The following CDH13 variants were observed in gnomAD, a reference collection of about 807,000 sequenced individuals.
CDH13 encodes cadherin 13.
Under a neutral mutation model 63.8 loss-of-function variants are expected in CDH13, and 24 were observed. The observed-to-expected ratio is 0.38, with a 90% confidence interval of 0.27 to 0.53. The LOEUF is 0.53. CDH13 is among the 20% of genes least tolerant of loss of function. CDH13 has a pLI of 0.85. For missense variants in CDH13, 1,049 were observed against 903.1 expected (o/e 1.16, Z -2.07); for synonymous variants, 503 against 355.3 (o/e 1.42, Z -4.67).
intron 7 of CDH13, among the ~76,000 whole-genome samples, chr16:83,579,326 T>C (rs1363277377): frequency 5.3e-5 from 8 of 152,316 alleles, no homozygotes; most frequent in African/African-American, 1.7e-4. Context: ...TACCTGAGAC[T>C]GGGCAATATA....
chr16:83,698,933 C>T (rs1905793092), intron 10 of CDH13, among the ~76,000 whole-genome samples: 2 of 152,246 alleles, frequency 1.3e-5, no homozygotes, highest in South Asian at 2.1e-4. Flanking sequence ...AGTCAGAGGG[C>T]CAGATTTGGC....
rs953685010 is a variant in CDH13, at chr16:82,696,568, A to G, written c.45+69431A>G. Reference sequence around the variant, plus strand: ...GTCATTGATTCAGGTGATAGAAACAAAATCAGAATGCCCATAGCTCATGTT... The same window carrying G: ...GTCATTGATTCAGGTGATAGAAACAGAATCAGAATGCCCATAGCTCATGTT... On this transcript the variant is annotated intron_variant, in intron 1 of 13. Coordinates refer to ENST00000567109, the MANE Select transcript of CDH13 (RefSeq NM_001257.5). 2.6e-5 allele frequency among the ~76,000 whole-genome samples: 4 copies of G among 152,224 alleles called. No homozygotes were observed. The South Asian group carries it at 6.2e-4, about 24-fold the overall frequency.
At chr16:83,498,316 C>T (rs533893047) in intron 7 of CDH13, among the ~76,000 whole-genome samples, 2 of 152,292 alleles carry the variant, frequency 1.3e-5, no homozygotes, top group East Asian at 3.9e-4. Flanking sequence ...TGGGCTCATA[C>T]CCTGTCTCTA....
At chr16:83,422,365 A>C (rs1351948468) in intron 6 of CDH13, among the ~76,000 whole-genome samples, 1 of 152,216 alleles carries the variant, frequency 6.6e-6, no homozygotes, top group Non-Finnish European at 1.5e-5. Context: ...GGAGACATTC[A>C]GTGAATTTTG....
intron 5 of CDH13, among the ~76,000 whole-genome samples, chr16:83,239,611 A>G (rs912711148): frequency 6.6e-6 from 1 of 152,166 alleles, no homozygotes; most frequent in Non-Finnish European, 1.5e-5. Flanking sequence ...CAGTCTGTCT[A>G]CTTTCTGTGA....
intron 3 of CDH13, among the ~76,000 whole-genome samples, chr16:83,102,948 C>CTTTTTTTTTTTTTTTTT (rs71148813): frequency 4.3e-5 from 3 of 69,028 alleles, no homozygotes; most frequent in African/African-American, 7.0e-5. Flanking sequence ...TTTTCTTTTT[C>CTTTTTTTTTTTTTTTTT]TTTTTTTTTT....
intron 7 of CDH13, among the ~76,000 whole-genome samples, chr16:83,591,153 C>T (rs911431328): frequency 3.9e-5 from 6 of 152,190 alleles, no homozygotes; most frequent in African/African-American, 1.4e-4. Context: ...TCATGATCCA[C>T]CTGCCTCTTC....
At chr16:83,485,028 C>G (rs139936272) in intron 6 of CDH13, among the ~76,000 whole-genome samples, 90 of 152,296 alleles carry the variant, frequency 5.9e-4, no homozygotes, top group African/African-American at 1.9e-3. Flanking sequence ...CATTCCTCAA[C>G]CTAACATTTT....
intron 10 of CDH13, among the ~76,000 whole-genome samples, chr16:83,687,443 C>T (rs973444902): frequency 6.6e-6 from 1 of 152,016 alleles, no homozygotes; most frequent in South Asian, 2.1e-4. Context: ...AGTAGCTGGG[C>T]CGAGGTGCTA....
At chr16:82,918,347 C>T (rs2042054258) in intron 2 of CDH13, among the ~76,000 whole-genome samples, 1 of 152,098 alleles carries the variant, frequency 6.6e-6, no homozygotes, top group Non-Finnish European at 1.5e-5. Context: ...AGAATCTCTG[C>T]ACCAGTTTCT....
chr16:82,716,265 A>G (rs1417221882), intron 1 of CDH13, among the ~76,000 whole-genome samples: 4 of 151,990 alleles, frequency 2.6e-5, no homozygotes, highest in South Asian at 2.1e-4. Flanking sequence ...AGGACCTCCT[A>G]TGGGGAATAG....
At position 83,739,118 on chromosome 16, in the gene CDH13, C is replaced by G. The variant is rs1039681485; in HGVS notation, c.1539-8990C>G. The stretch of plus-strand genomic sequence containing the variant: ...ATCTTGGATGTGGGGAGGGCTCCCA[C>G]TCTCTTAGCTGATAAGAGTGACTCA... On this transcript the variant is annotated intron_variant, in intron 10 of 13. Transcript: ENST00000567109. Among the ~76,000 whole-genome samples, 5 of 152,166 alleles carry G rather than the reference C, an allele frequency of 3.3e-5. No homozygotes were observed. The South Asian group carries it at 8.3e-4, about 25-fold the overall frequency.
At chr16:82,983,659 G>C in intron 2 of CDH13, among the ~76,000 whole-genome samples, 1 of 152,204 alleles carries the variant, frequency 6.6e-6, no homozygotes, top group East Asian at 1.9e-4. Context: ...TAAATTGACA[G>C]TTAATTGCCT....
chr16:83,085,644 G>A lies in CDH13; in HGVS notation c.367-39741G>A, dbSNP rs79604821. Among the ~76,000 whole-genome samples, 555 of 152,342 alleles carry A rather than the reference G, an allele frequency of 3.6e-3. 6 individuals are homozygous for A. Among genetic ancestry groups the A allele is most frequent in the African/African-American group, 0.013 (524 of 41,584 alleles). On this transcript the variant is annotated intron_variant, in intron 3 of 13. Transcript: ENST00000567109. The stretch of plus-strand genomic sequence containing the variant: ...AGGCTGACACAGCAAGCATTTGGCT[G>A]TTTTATTTGTGCCTTAAACAAAATA...
intron 1 of CDH13, among the ~76,000 whole-genome samples, chr16:82,679,765 G>C (rs901992364): frequency 3.3e-5 from 5 of 152,156 alleles, no homozygotes; most frequent in Admixed American, 3.3e-4. Flanking sequence ...GTGTTCATCT[G>C]TTACCTGTGT....
chr16:83,255,701 T>A (rs769367410), intron 5 of CDH13, among the ~76,000 whole-genome samples: 2 of 152,214 alleles, frequency 1.3e-5, no homozygotes, highest in Non-Finnish European at 2.9e-5. Flanking sequence ...ACTTTTATTA[T>A]GCTCTTTTCA....
intron 2 of CDH13, among the ~76,000 whole-genome samples, chr16:82,949,718 G>A (rs1057480521): frequency 6.6e-6 from 1 of 152,018 alleles, no homozygotes; most frequent in African/African-American, 2.4e-5. Flanking sequence ...AACACATTCT[G>A]TCTGGAAAAG....
intron 1 of CDH13, among the ~76,000 whole-genome samples, chr16:82,751,144 G>A (rs1035639806): frequency 1.3e-5 from 2 of 152,140 alleles, no homozygotes; most frequent in African/African-American, 4.8e-5. Context: ...AAAGCCAGAT[G>A]TGTACCAGTT....
chr16:83,547,993 C>T (rs574010836), intron 7 of CDH13, among the ~76,000 whole-genome samples: 1 of 152,084 alleles, frequency 6.6e-6, no homozygotes, highest in South Asian at 2.1e-4. Context: ...ATCTGCAGAG[C>T]ACAGGAAAGC....
Sources: gnomAD v4.1 joint callset for allele counts (sites outside exome capture counted in the v4.1 genomes callset) on GRCh38, gnomAD v4.1.1 for gene constraint, MANE v1.5 for transcripts, NCBI Gene and HGNC (gene_info 2026-07-23, HGNC 2026-07-21) for gene names.